The following ZNF521 variants were observed in gnomAD, a reference collection of about 807,000 sequenced individuals.
ZNF521 encodes LYST-interacting protein 3.
A neutral mutation model predicts 105.5 loss-of-function variants in ZNF521; 14 were observed. The ratio of observed to expected loss-of-function variants is 0.13; its 90% CI spans 0.09 to 0.21. The LOEUF is 0.21. Ranked by LOEUF, ZNF521 falls within the 10% of genes least tolerant of loss-of-function variation. ZNF521 has a pLI of 1.00. For missense variants in ZNF521, 1,233 were observed against 1,629.7 expected (o/e 0.76, Z 4.19); for synonymous variants, 635 against 606.0 (o/e 1.05, Z -0.70).
chr18:25,094,442 A>G (rs942819002), intron 5 of ZNF521, among the ~76,000 whole-genome samples: 2 of 152,146 alleles, frequency 1.3e-5, no homozygotes, highest in African/African-American at 4.8e-5. Flanking sequence ...ACAGGCATAA[A>G]GGTATTTATG....
At chr18:25,303,905 T>C (rs1158910180) in intron 3 of ZNF521, among the ~76,000 whole-genome samples, 3 of 152,230 alleles carry the variant, frequency 2.0e-5, no homozygotes, top group Non-Finnish European at 4.4e-5. Context: ...TTCAGGAAAT[T>C]CACTGAAGTT....
chr18:25,178,455 C>T (rs1390723777), intron 5 of ZNF521, among the ~76,000 whole-genome samples: 2 of 152,178 alleles, frequency 1.3e-5, no homozygotes, highest in African/African-American at 4.8e-5. Context: ...TTTGCAGAGA[C>T]GTGAACATTT....
chr18:25,092,218 G>A (rs2033761701), intron 5 of ZNF521, 137 bp from the exon 6 acceptor site: 5 of 988,738 alleles, frequency 5.1e-6, no homozygotes. Flanking sequence ...ATGGTTTCTG[G>A]TTATTTCACA....
intron 4 of ZNF521, among the ~76,000 whole-genome samples, chr18:25,209,067 G>A (rs759421892): frequency 2.5e-4 from 38 of 152,030 alleles, no homozygotes; most frequent in African/African-American, 8.0e-4. Flanking sequence ...AAATCATGGC[G>A]TATCTTTGTG....
At chr18:25,339,696 G>A (rs184274414) in intron 2 of ZNF521, among the ~76,000 whole-genome samples, 7 of 152,084 alleles carry the variant, frequency 4.6e-5, no homozygotes, top group Non-Finnish European at 5.9e-5. Context: ...TGTAGGTTAC[G>A]GGGATTCAAA....
chr18:25,145,117 C>G (rs1001144637), intron 5 of ZNF521, among the ~76,000 whole-genome samples: 1 of 152,134 alleles, frequency 6.6e-6, no homozygotes, highest in Non-Finnish European at 1.5e-5. Context: ...GTTTTCCATA[C>G]TGTGCTTGAA....
chr18:25,199,866 T>C (rs987893020), intron 4 of ZNF521, among the ~76,000 whole-genome samples: 1 of 152,078 alleles, frequency 6.6e-6, no homozygotes, highest in Non-Finnish European at 1.5e-5. Flanking sequence ...GTTTTTGTTT[T>C]TGTTTTTTAC....
chr18:25,316,601 T>C (rs904324564), intron 3 of ZNF521, among the ~76,000 whole-genome samples: 24 of 152,266 alleles, frequency 1.6e-4, no homozygotes, highest in African/African-American at 5.3e-4. Flanking sequence ...CTTTAATCTT[T>C]TCCAGATCAG....
chr18:25,150,382 G>T (rs1489126574), intron 5 of ZNF521, among the ~76,000 whole-genome samples: 2 of 152,066 alleles, frequency 1.3e-5, no homozygotes, highest in East Asian at 3.9e-4. Flanking sequence ...CACCCCTAAA[G>T]AACTTACTCA....
chr18:25,291,633 A>G (rs145233509), intron 3 of ZNF521, among the ~76,000 whole-genome samples: 55 of 152,314 alleles, frequency 3.6e-4, no homozygotes, highest in Admixed American at 1.5e-3. Flanking sequence ...TTGCATTCAA[A>G]CACCCAAAGA....
intron 3 of ZNF521, among the ~76,000 whole-genome samples, chr18:25,237,082 A>T (rs1334672452): frequency 2.0e-5 from 3 of 152,126 alleles, no homozygotes; most frequent in East Asian, 3.9e-4. Context: ...GAATATGATG[A>T]TAACATCCAA....
chr18:25,086,846 C>T (rs72881240), intron 7 of ZNF521, among the ~76,000 whole-genome samples: 22,836 of 152,050 alleles, frequency 0.15, 2,138 homozygotes, highest in Non-Finnish European at 0.21. Context: ...CACAAAAACT[C>T]AAAAAGAGTT....
chr18:25,130,162 A>C (rs560297054), intron 5 of ZNF521, among the ~76,000 whole-genome samples: 1 of 151,098 alleles, frequency 6.6e-6, no homozygotes, highest in Non-Finnish European at 1.5e-5. Flanking sequence ...GCAGCAATAG[A>C]AAGAAATGAG....
chr18:25,126,187 G>C (rs974095302), intron 5 of ZNF521, among the ~76,000 whole-genome samples: 4 of 151,952 alleles, frequency 2.6e-5, no homozygotes, highest in Non-Finnish European at 5.9e-5. Flanking sequence ...CCCCTAAACA[G>C]GTCTCACAAG....
chr18:25,243,403 A>G (rs1387839333), intron 3 of ZNF521, among the ~76,000 whole-genome samples: 3 of 152,202 alleles, frequency 2.0e-5, no homozygotes, highest in Non-Finnish European at 2.9e-5. Flanking sequence ...CTTCCCAGCC[A>G]CTGACACTTT....
intron 4 of ZNF521, among the ~76,000 whole-genome samples, chr18:25,220,327 G>A (rs1171596822): frequency 1.3e-5 from 2 of 152,176 alleles, no homozygotes; most frequent in African/African-American, 4.8e-5. Flanking sequence ...GCAATAAAGT[G>A]ACGAATGCAG....
At chr18:25,157,790 A>C (rs1279803551) in intron 5 of ZNF521, among the ~76,000 whole-genome samples, 4 of 151,550 alleles carry the variant, frequency 2.6e-5, no homozygotes, top group African/African-American at 9.7e-5. Flanking sequence ...TTGCACTGTC[A>C]TCCAGGCTGG....
At chr18:25,331,554 T>C (rs930043155) in intron 2 of ZNF521, among the ~76,000 whole-genome samples, 2 of 152,166 alleles carry the variant, frequency 1.3e-5, no homozygotes, top group Admixed American at 6.5e-5. Context: ...AAAGCATTAG[T>C]TTCCCCAAGC....
chr18:25,153,706 C>T (rs1341840678), intron 5 of ZNF521, among the ~76,000 whole-genome samples: 1 of 152,194 alleles, frequency 6.6e-6, no homozygotes. Context: ...GGGATTCAGC[C>T]TCAGACTCTA....
Sources: gnomAD v4.1 joint callset for allele counts (sites outside exome capture counted in the v4.1 genomes callset) on GRCh38, gnomAD v4.1.1 for gene constraint, MANE v1.5 for transcripts, NCBI Gene and HGNC (gene_info 2026-07-23, HGNC 2026-07-21) for gene names.